The following MGAT4C variants were observed in gnomAD, a reference collection of about 807,000 sequenced individuals.
MGAT4C encodes alpha-1,3-mannosyl-glycoprotein 4-beta-N-acetylglucosaminyltransferase C.
MGAT4C carries 19 observed loss-of-function variants against 40.1 expected under a neutral mutation model. The observed-to-expected ratio is 0.47, with a 90% CI of 0.33 to 0.70. The LOEUF (loss-of-function observed/expected upper bound fraction) is 0.70. Among genes scored for constraint, MGAT4C ranks in the 30% least tolerant of loss-of-function variants. The pLI, the probability that MGAT4C is intolerant of heterozygous loss-of-function variation, is 0.02. For missense variants in MGAT4C, 491 were observed against 563.2 expected (o/e 0.87, Z 1.30); for synonymous variants, 181 against 187.1 (o/e 0.97, Z 0.27).
chr12:86,471,599 GAAGTACTAGCCCAT>G (rs988704928), intron 2 of MGAT4C, among the ~76,000 whole-genome samples: 3 of 152,022 alleles, frequency 2.0e-5, no homozygotes, highest in Non-Finnish European at 4.4e-5. Flanking sequence ...TATACTATTT[GAAGTACTAGCCCAT>G]AAGTTCTAGC....
At position 86,708,913 on chromosome 12, in the gene MGAT4C, C is replaced by T. The variant is rs1455606412; in HGVS notation, c.-229+18296G>A. ...TGGCTCATAGGCAGAAGGGACTTGC[C>T]TTATCTCAGATGAGAGACATTGGAC... On this transcript the variant is annotated intron_variant, in intron 2 of 7. Transcript: ENST00000548651. Among the ~76,000 whole-genome samples, 3 of 152,158 alleles carry T rather than the reference C, an allele frequency of 2.0e-5. No individual in the cohort carries two copies. In the East Asian group the frequency reaches 5.8e-4, roughly 29 times the overall value.
chr12:86,699,122 G>A (rs1950311470), intron 2 of MGAT4C, among the ~76,000 whole-genome samples: 1 of 152,030 alleles, frequency 6.6e-6, no homozygotes, highest in South Asian at 2.1e-4. Context: ...TTACCATACA[G>A]AAGGACATTT....
intron 2 of MGAT4C, among the ~76,000 whole-genome samples, chr12:86,604,767 C>A (rs557303239): frequency 1.3e-5 from 2 of 151,864 alleles, no homozygotes; most frequent in Non-Finnish European, 2.9e-5. Flanking sequence ...TACTGAAGAA[C>A]AAAAGAAACA....
chr12:86,028,186 A>G, intron 2 of MGAT4C: 1 of 1,287,590 alleles, frequency 7.8e-7, no homozygotes, highest in South Asian at 1.2e-5. Context: ...CCCAAGCATG[A>G]GACGTTCCAA....
intron 1 of MGAT4C, among the ~76,000 whole-genome samples, chr12:86,125,253 G>A (rs992718314): frequency 6.6e-6 from 1 of 152,130 alleles, no homozygotes; most frequent in Non-Finnish European, 1.5e-5. Flanking sequence ...ATCAAGCAGG[G>A]ATTACTCCAT....
At chr12:86,410,020 A>T (rs200994713) in intron 3 of MGAT4C, among the ~76,000 whole-genome samples, 2 of 149,734 alleles carry the variant, frequency 1.3e-5, no homozygotes, top group South Asian at 4.2e-4. Flanking sequence ...GGGGTGTACG[A>T]ACAGGGAGTA....
chr12:86,212,610 C>T (rs1346442922), intron 1 of MGAT4C, among the ~76,000 whole-genome samples: 2 of 151,402 alleles, frequency 1.3e-5, no homozygotes, highest in Admixed American at 1.3e-4. Context: ...CACTCATGGC[C>T]GGGCGCGGTG....
Position 85,976,729 on chromosome 12 carries a change from T to G in MGAT4C, c.*2560A>C, listed in dbSNP as rs2136672161. The stretch of plus-strand genomic sequence containing the variant: ...TATATATAAACTTACAGCAAAAATG[T>G]TTAAAAATAGCAAATAGTTTGAGTA... On this transcript the variant is annotated 3_prime_UTR_variant, in exon 5 of 5. Coordinates refer to ENST00000611864, the MANE Select transcript of MGAT4C (RefSeq NM_001351288.2). 1 of 148,304 alleles carries G rather than the reference T, an allele frequency of 6.7e-6. No individual in the cohort carries two copies. Among genetic ancestry groups the G allele is most frequent in the Admixed American group, 6.8e-5 (1 of 14,760 alleles). The allele number at this position is 148,304 out of a possible 1,614,324, so 9.2% of individuals were successfully genotyped here.
chr12:86,524,756 C>T (rs1264497801), intron 2 of MGAT4C, among the ~76,000 whole-genome samples: 7 of 152,060 alleles, frequency 4.6e-5, no homozygotes, highest in Admixed American at 2.6e-4. Context: ...CCAGAAGTTT[C>T]GTGTATTCCC....
At chr12:86,420,687 C>T (rs1297873239) in intron 3 of MGAT4C, among the ~76,000 whole-genome samples, 1 of 151,250 alleles carries the variant, frequency 6.6e-6, no homozygotes, top group Non-Finnish European at 1.5e-5. Context: ...TAGTTTGAAA[C>T]AATTTTAATT....
intron 2 of MGAT4C, among the ~76,000 whole-genome samples, chr12:86,642,925 G>T (rs1963433129): frequency 6.6e-6 from 1 of 151,730 alleles, no homozygotes; most frequent in Non-Finnish European, 1.5e-5. Context: ...TTTCGGGGAT[G>T]TAAAATGATG....
At chr12:86,044,710 G>A (rs143371512) in intron 2 of MGAT4C, among the ~76,000 whole-genome samples, 3 of 152,172 alleles carry the variant, frequency 2.0e-5, no homozygotes, top group East Asian at 3.9e-4. Context: ...TATGATGTGG[G>A]CCCCTGGGAA....
intron 2 of MGAT4C, among the ~76,000 whole-genome samples, chr12:86,562,322 T>C (rs1254205351): frequency 6.6e-6 from 1 of 152,090 alleles, no homozygotes; most frequent in East Asian, 1.9e-4. Context: ...TTGCCAGGTG[T>C]CTACTGTTAA....
At chr12:86,114,415 T>A (rs1357492968) in intron 1 of MGAT4C, among the ~76,000 whole-genome samples, 2 of 151,870 alleles carry the variant, frequency 1.3e-5, no homozygotes, top group African/African-American at 4.8e-5. Flanking sequence ...TTTGCGAGCA[T>A]GACATGCAAC....
At chr12:86,176,751 T>C (rs997495667) in intron 1 of MGAT4C, among the ~76,000 whole-genome samples, 4 of 150,786 alleles carry the variant, frequency 2.7e-5, no homozygotes, top group African/African-American at 9.8e-5. Context: ...CATTAAAATA[T>C]TGATGATATT....
At chr12:86,774,281 C>CTCTTTCTTTCTTTCTTCCTT (rs1951693226) in intron 1 of MGAT4C, among the ~76,000 whole-genome samples, 18 of 58,960 alleles carry the variant, frequency 3.1e-4, no homozygotes, top group African/African-American at 1.2e-3. Context: ...CTAAGGCTTG[C>CTCTTTCTTTCTTTCTTCCTT]TCTTTCTTTC....
At chr12:86,644,042 T>C (rs946871589) in intron 2 of MGAT4C, among the ~76,000 whole-genome samples, 2 of 151,660 alleles carry the variant, frequency 1.3e-5, no homozygotes, top group Non-Finnish European at 3.0e-5. Context: ...TTTATGAATT[T>C]TGACTAGAGA....
chr12:86,445,198 T>C (rs1170860313), intron 2 of MGAT4C, among the ~76,000 whole-genome samples: 3 of 152,166 alleles, frequency 2.0e-5, no homozygotes, highest in African/African-American at 7.2e-5. Flanking sequence ...CCAATTATAC[T>C]GCAAATATGA....
At chr12:86,112,469 A>T (rs745713617) in intron 1 of MGAT4C, among the ~76,000 whole-genome samples, 4 of 151,640 alleles carry the variant, frequency 2.6e-5, no homozygotes, top group Non-Finnish European at 4.4e-5. Context: ...CCTTATTCAC[A>T]TTTTCAGGGA....
Sources: gnomAD v4.1 joint callset for allele counts (sites outside exome capture counted in the v4.1 genomes callset) on GRCh38, gnomAD v4.1.1 for gene constraint, MANE v1.5 for transcripts, NCBI Gene and HGNC (gene_info 2026-07-23, HGNC 2026-07-21) for gene names.